CA10: variants seen among roughly 807,000 people sequenced by gnomAD.
CA10 encodes carbonic anhydrase-related protein 10.
Under a neutral mutation model 44.2 loss-of-function variants are expected in CA10, and 14 were observed. The observed-to-expected ratio is 0.32, with a 90% confidence interval of 0.21 to 0.50. The LOEUF (loss-of-function observed/expected upper bound fraction) is 0.50. Among genes scored for constraint, CA10 ranks in the 20% least tolerant of loss-of-function variants. The pLI is 0.99. For synonymous variants in CA10, 159 were observed against 141.6 expected (o/e 1.12, Z -0.87); for missense variants, 350 against 409.7 (o/e 0.85, Z 1.26).
At chr17:52,050,164 A>G (rs987240239) in intron 2 of CA10, among the ~76,000 whole-genome samples, 6 of 152,086 alleles carry the variant, frequency 3.9e-5, no homozygotes, top group African/African-American at 1.4e-4. Context: ...CCAAACCTGA[A>G]TCACCTATAG....
chr17:52,103,365 A>C (rs983780336), intron 1 of CA10, among the ~76,000 whole-genome samples: 1 of 152,206 alleles, frequency 6.6e-6, no homozygotes, highest in African/African-American at 2.4e-5. Flanking sequence ...TCCACAGCAC[A>C]ATCCACAGTG....
At chr17:51,780,420 C>T (rs1906012128) in intron 3 of CA10, among the ~76,000 whole-genome samples, 1 of 152,192 alleles carries the variant, frequency 6.6e-6, no homozygotes, top group Admixed American at 6.5e-5. Context: ...TTCCAGCTCC[C>T]AGTGCCTCTT....
chr17:51,809,090 A>G (rs1448765645), intron 3 of CA10, among the ~76,000 whole-genome samples: 1 of 151,148 alleles, frequency 6.6e-6, no homozygotes. Flanking sequence ...ATGAGACCTA[A>G]ATAAAAAAAA....
intron 1 of CA10, among the ~76,000 whole-genome samples, chr17:52,094,687 A>T (rs1205848360): frequency 6.6e-6 from 1 of 152,188 alleles, no homozygotes; most frequent in Non-Finnish European, 1.5e-5. Flanking sequence ...GATCCTTGAT[A>T]AAGGAGAATA....
intron 3 of CA10, among the ~76,000 whole-genome samples, chr17:51,897,514 G>A (rs1464100142): frequency 2.0e-5 from 3 of 152,046 alleles, no homozygotes; most frequent in Non-Finnish European, 4.4e-5. Flanking sequence ...CTGCAGCTTT[G>A]TTCTTTTTGG....
intron 4 of CA10, among the ~76,000 whole-genome samples, chr17:51,658,037 A>C (rs1474658470): frequency 6.6e-6 from 1 of 152,204 alleles, no homozygotes; most frequent in Non-Finnish European, 1.5e-5. Flanking sequence ...GTATCCTCCT[A>C]GAGAAGCTTC....
chr17:51,991,633 A>G (rs1985043572), intron 2 of CA10, among the ~76,000 whole-genome samples: 1 of 152,096 alleles, frequency 6.6e-6, no homozygotes, highest in Non-Finnish European at 1.5e-5. Context: ...AACATGAAGA[A>G]ACCCTGTCTC....
At chr17:51,684,404 C>T (rs780441833) in intron 4 of CA10, among the ~76,000 whole-genome samples, 1 of 152,178 alleles carries the variant, frequency 6.6e-6, no homozygotes, top group Non-Finnish European at 1.5e-5. Flanking sequence ...AACCAGTGCA[C>T]CCCCACCGTT....
intron 3 of CA10, among the ~76,000 whole-genome samples, chr17:51,922,746 A>G (rs967258139): frequency 2.0e-5 from 3 of 152,178 alleles, no homozygotes; most frequent in Non-Finnish European, 1.5e-5. Context: ...GATCACATCA[A>G]TTTTAATCAT....
intron 6 of CA10, among the ~76,000 whole-genome samples, chr17:51,646,190 G>A (rs1913328227): frequency 6.6e-6 from 1 of 152,196 alleles, no homozygotes; most frequent in Non-Finnish European, 1.5e-5. Context: ...TTGGTCAAAT[G>A]ACTTCACCTC....
At chr17:52,141,951 G>C (rs968653059) in intron 1 of CA10, among the ~76,000 whole-genome samples, 15 of 152,176 alleles carry the variant, frequency 9.9e-5, no homozygotes, top group African/African-American at 3.6e-4. Context: ...CAGTGGATGG[G>C]CAGCACCGGG....
rs570039396 is a variant in CA10 at position 52,037,184 on chromosome 17, G to A, written c.136+35135C>T. Among the ~76,000 whole-genome samples the A allele has an allele frequency of 7.9e-5, 12 of 152,250 alleles. No individual in the cohort carries two copies. The South Asian group carries it at 2.1e-3, about 26-fold the overall frequency. On this transcript the variant is annotated intron_variant, in intron 2 of 8. Coordinates refer to ENST00000451037, the MANE Select transcript of CA10 (RefSeq NM_020178.5). ...AGAAAGATCTTGGCTACCCAAATTC[G>A]AAATCCCTGGGTTGGCAGTTGAATA...
At chr17:51,959,881 T>G (rs1171383987) in intron 2 of CA10, among the ~76,000 whole-genome samples, 1 of 149,036 alleles carries the variant, frequency 6.7e-6, no homozygotes, top group African/African-American at 2.5e-5. Context: ...TATATAATAC[T>G]CAAATGACCA....
intron 3 of CA10, among the ~76,000 whole-genome samples, chr17:51,853,704 G>A (rs150313101): frequency 1.1e-3 from 173 of 152,204 alleles, no homozygotes; most frequent in Non-Finnish European, 1.6e-3. Flanking sequence ...TCCACGTGTC[G>A]CGGGAGGGAG....
At chr17:51,695,804 T>A (rs1171984356) in intron 4 of CA10, among the ~76,000 whole-genome samples, 1 of 152,234 alleles carries the variant, frequency 6.6e-6, no homozygotes, top group African/African-American at 2.4e-5. Flanking sequence ...TGTGGTTTTG[T>A]CATAGATGGC....
At chr17:51,893,077 ATTATTG>A (rs1181927842) in intron 3 of CA10, among the ~76,000 whole-genome samples, 2 of 151,718 alleles carry the variant, frequency 1.3e-5, no homozygotes, top group South Asian at 2.1e-4. Flanking sequence ...CATCATCAGT[ATTATTG>A]TTATTGTTTT....
intron 3 of CA10, among the ~76,000 whole-genome samples, chr17:51,837,079 AACACACACACACAC>A (rs5820881): frequency 2.7e-5 from 4 of 149,858 alleles, no homozygotes; most frequent in Non-Finnish European, 5.9e-5. Flanking sequence ...GAGTTCAGAC[AACACACACACACAC>A]ACACACACAC....
chr17:52,038,313 G>A lies in CA10; in HGVS notation c.136+34006C>T, dbSNP rs74425538. 1.0e-3 allele frequency among the ~76,000 whole-genome samples: 155 copies of A among 152,166 alleles called. 3 individuals carry two copies. The East Asian group carries it at 0.019, about 19-fold the overall frequency. ...CACACTTGTCAAAAGTAATTTTATC[G>A]TCACATAAACTTTAAAATACTGTTA... On this transcript the variant is annotated intron_variant, in intron 2 of 8. Coordinates refer to ENST00000451037, the MANE Select transcript of CA10 (RefSeq NM_020178.5).
intron 4 of CA10, among the ~76,000 whole-genome samples, chr17:51,731,263 G>C (rs1044768192): frequency 2.0e-5 from 3 of 152,302 alleles, no homozygotes; most frequent in Non-Finnish European, 4.4e-5. Flanking sequence ...TGTAGTTTCA[G>C]CTACTCTGGA....
Sources: allele counts gnomAD v4.1 joint callset (sites outside exome capture counted in the v4.1 genomes callset), GRCh38; gene constraint gnomAD v4.1.1; transcripts MANE v1.5; gene names NCBI Gene and HGNC (gene_info 2026-07-23, HGNC 2026-07-21).